SLC16A10: variants seen among roughly 807,000 people sequenced by gnomAD.
The protein encoded by SLC16A10 is solute carrier family 16 member 10, also known as monocarboxylate transporter 10.
SLC16A10 carries 27 observed loss-of-function variants against 40.0 expected under a neutral mutation model. The observed-to-expected ratio is 0.67, with a 90% confidence interval of 0.50 to 0.93. The LOEUF is 0.93. SLC16A10 is among the 40% of genes least tolerant of loss of function. The pLI is 0.00. For synonymous variants in SLC16A10, 213 were observed against 249.8 expected (o/e 0.85, Z 1.39); for missense variants, 529 against 658.2 (o/e 0.80, Z 2.15).
In SLC16A10 at chr6:111,225,275, C is replaced by G. The variant is rs2114599919; in HGVS notation, c.*3040C>G. 6.6e-6 allele frequency: 1 copy of G among 152,334 alleles called. No individual in the cohort carries two copies. Among genetic ancestry groups the G allele is most frequent in the South Asian group, 2.1e-4 (1 of 4,830 alleles). 9.4% of individuals were successfully genotyped at this position (152,334 alleles called of 1,614,324 possible). ...TCTTGTATTAAGATTCAAATTCTGG[C>G]TGGGCGCAGTGGCTCACGCTTGTAA... is the stretch of plus-strand genomic sequence containing the variant. On this transcript the variant is annotated 3_prime_UTR_variant, in exon 6 of 6. Transcript: ENST00000368851.
chr6:111,153,956 G>T (rs1203765019), intron 1 of SLC16A10, among the ~76,000 whole-genome samples: 2 of 152,192 alleles, frequency 1.3e-5, no homozygotes, highest in African/African-American at 2.4e-5. Flanking sequence ...ACTACTGGGG[G>T]AAAAGAGGTG....
intron 3 of SLC16A10, among the ~76,000 whole-genome samples, chr6:111,190,723 C>T (rs1442057713): frequency 1.3e-5 from 2 of 152,248 alleles, no homozygotes; most frequent in African/African-American, 4.8e-5. Flanking sequence ...TACCTTAGCC[C>T]CTTTTAGCCA....
intron 3 of SLC16A10, among the ~76,000 whole-genome samples, chr6:111,201,051 A>G (rs1454118382): frequency 5.9e-5 from 9 of 152,192 alleles, no homozygotes; most frequent in Non-Finnish European, 5.9e-5. Context: ...TTTTTGATGT[A>G]CCATGTAAAT....
intron 4 of SLC16A10, among the ~76,000 whole-genome samples, chr6:111,210,972 G>A (rs191434073): frequency 2.0e-5 from 3 of 150,976 alleles, no homozygotes; most frequent in East Asian, 3.9e-4. Flanking sequence ...GCAGTGAGCC[G>A]AGATCGCACT....
intron 1 of SLC16A10, among the ~76,000 whole-genome samples, chr6:111,122,376 A>G (rs112691960): frequency 8.5e-5 from 13 of 152,338 alleles, no homozygotes; most frequent in Admixed American, 2.0e-4. Flanking sequence ...TATGCTATCA[A>G]TTGGAAAGGA....
intron 1 of SLC16A10, among the ~76,000 whole-genome samples, chr6:111,164,262 C>T (rs944654413): frequency 3.9e-5 from 6 of 152,232 alleles, no homozygotes; most frequent in African/African-American, 1.2e-4. Flanking sequence ...TTTCCTTACA[C>T]ACCTTGATGT....
chr6:111,218,853 A>G lies in SLC16A10; in HGVS notation c.1126A>G (p.Ile376Val). The G allele has an allele frequency of 6.2e-7, 1 of 1,614,024 alleles. No homozygotes were observed. Among genetic ancestry groups the G allele is most frequent in the Admixed American group, 1.7e-5 (1 of 60,012 alleles). Reference sequence around the variant, plus strand: ...CTTCATTGGTCTGATGTCCATGATGATTCCTCTGTGTAGCATCTTTGGGGC... The same window carrying G: ...CTTCATTGGTCTGATGTCCATGATGGTTCCTCTGTGTAGCATCTTTGGGGC... ...FFFIGLMSMM[I>V]PLCSIFGALI... The change falls in exon 5 of 6, where the codon ATT (isoleucine) becomes GTT (valine). Residue 376 changes from isoleucine to valine, a missense_variant. By Grantham distance (29) the Ile-to-Val change is conservative. Transcript: ENST00000368851.
chr6:111,089,401 A>G (rs1381749683), intron 1 of SLC16A10, among the ~76,000 whole-genome samples: 1 of 152,156 alleles, frequency 6.6e-6, no homozygotes, highest in East Asian at 1.9e-4. Flanking sequence ...TGACTATATT[A>G]TACTCTATGC....
intron 1 of SLC16A10, among the ~76,000 whole-genome samples, chr6:111,113,253 A>AG (rs1771422098): frequency 6.6e-6 from 1 of 152,140 alleles, no homozygotes; most frequent in African/African-American, 2.4e-5. Context: ...ATGGAAGTAA[A>AG]GGGGCAAACT....
rs114025126 is a variant in SLC16A10, at chr6:111,131,354, A to G, written c.344-41341A>G. ...GCTGTAACACTCACTGTATGGCCCA[A>G]GGTTCCATTCCTTGGAATCTGTGAG... On this transcript the variant is annotated intron_variant, in intron 1 of 5. Coordinates refer to ENST00000368851, the MANE Select transcript of SLC16A10 (RefSeq NM_018593.5). 8.3e-3 allele frequency among the ~76,000 whole-genome samples: 1,259 copies of G among 152,304 alleles called. 27 individuals carry two copies. Among genetic ancestry groups the G allele is most frequent in the African/African-American group, 0.029 (1,197 of 41,568 alleles).
At chr6:111,114,006 C>T (rs1178815431) in intron 1 of SLC16A10, among the ~76,000 whole-genome samples, 1 of 152,166 alleles carries the variant, frequency 6.6e-6, no homozygotes, top group East Asian at 1.9e-4. Flanking sequence ...CCTGAGTCAT[C>T]AAATTTAGTT....
chr6:111,109,116 A>C (rs1042101702), intron 1 of SLC16A10, among the ~76,000 whole-genome samples: 1 of 152,220 alleles, frequency 6.6e-6, no homozygotes, highest in African/African-American at 2.4e-5. Flanking sequence ...TTTTAAGTGT[A>C]CAGTTTGATA....
chr6:111,106,122 T>C (rs1028611517), intron 1 of SLC16A10, among the ~76,000 whole-genome samples: 12 of 151,992 alleles, frequency 7.9e-5, no homozygotes, highest in Admixed American at 3.3e-4. Context: ...TTCTGACAAT[T>C]ATAGGGAAGG....
chr6:111,154,362 A>G (rs1468535184), intron 1 of SLC16A10, among the ~76,000 whole-genome samples: 2 of 152,214 alleles, frequency 1.3e-5, no homozygotes, highest in African/African-American at 4.8e-5. Flanking sequence ...TTCAGCAACC[A>G]TGAAAAATAT....
At chr6:111,096,580 C>T (rs564054208) in intron 1 of SLC16A10, among the ~76,000 whole-genome samples, 13 of 152,122 alleles carry the variant, frequency 8.5e-5, no homozygotes, top group Middle Eastern at 3.2e-3. Flanking sequence ...ATGATCATAC[C>T]TCTTTGTTAA....
intron 1 of SLC16A10, among the ~76,000 whole-genome samples, chr6:111,162,268 G>GTTCC (rs1390048024): frequency 6.6e-6 from 1 of 152,192 alleles, no homozygotes; most frequent in East Asian, 1.9e-4. Flanking sequence ...ATGGAACTCT[G>GTTCC]TTCCACAAGG....
At chr6:111,095,311 C>T (rs892805930) in intron 1 of SLC16A10, among the ~76,000 whole-genome samples, 2 of 152,074 alleles carry the variant, frequency 1.3e-5, no homozygotes, top group African/African-American at 4.8e-5. Flanking sequence ...AAATGGTTGG[C>T]CATTTTATTC....
chr6:111,115,895 AG>A (rs1356189744), intron 1 of SLC16A10, among the ~76,000 whole-genome samples: 2 of 152,104 alleles, frequency 1.3e-5, no homozygotes, highest in African/African-American at 2.4e-5. Context: ...TTCCTCAGGC[AG>A]TGAGGAATCA....
chr6:111,136,230 A>G (rs955821237), intron 1 of SLC16A10, among the ~76,000 whole-genome samples: 7 of 152,234 alleles, frequency 4.6e-5, no homozygotes, highest in Non-Finnish European at 8.8e-5. Flanking sequence ...CCAGCGGGGC[A>G]AGACTTTTCT....
Sources: gnomAD v4.1 joint callset for allele counts (sites outside exome capture counted in the v4.1 genomes callset) on GRCh38, gnomAD v4.1.1 for gene constraint, MANE v1.5 for transcripts, NCBI Gene and HGNC (gene_info 2026-07-23, HGNC 2026-07-21) for gene names.